ZNF536: variants seen among roughly 807,000 people sequenced by gnomAD.
ZNF536 encodes the protein zinc finger protein 536.
A neutral mutation model predicts 84.5 loss-of-function variants in ZNF536; 13 were observed. The observed-to-expected ratio is 0.15, with a 90% confidence interval of 0.10 to 0.24. The LOEUF (loss-of-function observed/expected upper bound fraction) is 0.24, where lower values mean the gene tolerates loss of function less well. ZNF536 is among the 10% of genes least tolerant of loss of function. The pLI is 1.00. For missense variants in ZNF536, 1,536 were observed against 1,747.5 expected, an observed-to-expected ratio of 0.88 and a Z score of 2.16; for synonymous variants, 811 against 742.5, an observed-to-expected ratio of 1.09 and a Z score of -1.50.
At chr19:30,232,050 C>T (rs1172778168) in intron 1 of ZNF536, among the ~76,000 whole-genome samples, 1 of 151,390 alleles carries the variant, frequency 6.6e-6, no homozygotes, top group African/African-American at 2.4e-5. Context: ...TTTCTGAAAT[C>T]CCCCTCACTT....
intron 1 of ZNF536, among the ~76,000 whole-genome samples, chr19:30,271,069 T>A (rs1213513597): frequency 6.6e-6 from 1 of 152,106 alleles, no homozygotes; most frequent in Non-Finnish European, 1.5e-5. Context: ...GCTTGGGAGA[T>A]AAGAGGGAAA....
intron 2 of ZNF536, among the ~76,000 whole-genome samples, chr19:30,339,113 G>A (rs1332436571): frequency 2.6e-5 from 4 of 152,178 alleles, no homozygotes; most frequent in South Asian, 2.1e-4. Flanking sequence ...ATGTGCCGCC[G>A]CCTCCTTTGG....
intron 1 of ZNF536, among the ~76,000 whole-genome samples, chr19:30,243,090 T>C (rs1410744619): frequency 6.6e-6 from 1 of 152,200 alleles, no homozygotes. Context: ...TTTGGAAAAG[T>C]TGCTTAAATA....
At chr19:30,337,329 A>C (rs1403803873) in intron 2 of ZNF536, among the ~76,000 whole-genome samples, 1 of 152,142 alleles carries the variant, frequency 6.6e-6, no homozygotes, top group African/African-American at 2.4e-5. Context: ...CAGTGTTTGT[A>C]GTAGCTCCCA....
chr19:30,616,722 A>ATGGG (rs2048308195), intron 1 of ZNF536, among the ~76,000 whole-genome samples: 1 of 152,196 alleles, frequency 6.6e-6, no homozygotes, highest in Non-Finnish European at 1.5e-5. Flanking sequence ...TTAAAATAGC[A>ATGGG]TGGGTGTCAT....
At chr19:30,354,006 GC>G (rs1326306912) in intron 3 of ZNF536, among the ~76,000 whole-genome samples, 6 of 152,194 alleles carry the variant, frequency 3.9e-5, no homozygotes, top group African/African-American at 1.4e-4. Flanking sequence ...TGGAGAAGGT[GC>G]TGAAAGCTGC....
intron 1 of ZNF536, among the ~76,000 whole-genome samples, chr19:30,682,274 G>T (rs752676648): frequency 6.6e-6 from 1 of 152,168 alleles, no homozygotes; most frequent in African/African-American, 2.4e-5. Context: ...AGATGAAGCT[G>T]CTGCGTGCTG....
intron 2 of ZNF536, among the ~76,000 whole-genome samples, chr19:30,474,041 C>T (rs541531071): frequency 5.3e-5 from 8 of 152,272 alleles, no homozygotes; most frequent in African/African-American, 1.4e-4. Context: ...ATATTTGTTC[C>T]GACATGGATG....
At chr19:30,543,907 G>C (rs1234336585) in intron 3 of ZNF536, among the ~76,000 whole-genome samples, 1 of 152,128 alleles carries the variant, frequency 6.6e-6, no homozygotes, top group Non-Finnish European at 1.5e-5. Flanking sequence ...CTCAACCTCT[G>C]GGTGTGCCTG....
chr19:30,458,389 G>A (rs2052957461), intron 2 of ZNF536, among the ~76,000 whole-genome samples: 1 of 146,594 alleles, frequency 6.8e-6, no homozygotes, highest in Non-Finnish European at 1.5e-5. Context: ...CTTACCTGCT[G>A]TTCCTTGAGT....
chr19:30,625,859 G>A (rs905531714), intron 1 of ZNF536, among the ~76,000 whole-genome samples: 2 of 152,076 alleles, frequency 1.3e-5, no homozygotes, highest in Non-Finnish European at 2.9e-5. Context: ...GGCTGAGAAA[G>A]GCCTCTTGAC....
chr19:30,711,764 A>G (rs2052461950), exon 2 of ZNF536: 1 of 152,022 alleles, frequency 6.6e-6, no homozygotes, highest in South Asian at 2.1e-4. Context: ...TTCTTTTTTA[A>G]AAAAAAATTT....
intron 1 of ZNF536, among the ~76,000 whole-genome samples, chr19:30,603,503 A>C (rs976330351): frequency 1.3e-5 from 2 of 152,242 alleles, no homozygotes; most frequent in Non-Finnish European, 2.9e-5. Context: ...TTTCTGTTTC[A>C]AACTAGGTGA....
At chr19:30,426,050 C>A (rs563701944) in intron 1 of ZNF536, among the ~76,000 whole-genome samples, 33 of 152,266 alleles carry the variant, frequency 2.2e-4, no homozygotes, top group African/African-American at 7.5e-4. Context: ...TGGTAGCACA[C>A]CCCAACTGGG....
chr19:30,627,992 C>T (rs929835375), intron 1 of ZNF536, among the ~76,000 whole-genome samples: 9 of 152,214 alleles, frequency 5.9e-5, no homozygotes, highest in African/African-American at 1.7e-4. Context: ...CCGTGTCCCC[C>T]GTACCACCCC....
chr19:30,369,942 T>TA (rs756049688), upstream of ZNF536, among the ~76,000 whole-genome samples: 10 of 152,070 alleles, frequency 6.6e-5, no homozygotes, highest in East Asian at 1.9e-4. Context: ...TGGATCCAAT[T>TA]AAAAAAAATA....
chr19:30,566,919 C>A (rs1160205629), intron 1 of ZNF536, among the ~76,000 whole-genome samples: 1 of 151,586 alleles, frequency 6.6e-6, no homozygotes, highest in South Asian at 2.1e-4. Flanking sequence ...CGCATGTGGC[C>A]TCTCTGGGCA....
chr19:30,231,150 A>C (rs369233347), intron 1 of ZNF536, among the ~76,000 whole-genome samples: 9 of 152,300 alleles, frequency 5.9e-5, no homozygotes, highest in African/African-American at 2.2e-4. Context: ...ATTTAAAGTG[A>C]GACTTGATGC....
Position 30,549,585 on chromosome 19 carries a change from A to C in ZNF536, c.3895+71A>C, listed in dbSNP as rs910548849. 7.0e-6 allele frequency: 10 copies of C among 1,419,928 alleles called. No individual in the cohort carries two copies. The African/African-American group carries it at 1.4e-4, about 20-fold the overall frequency. The allele number at this position is 1,419,928 out of a possible 1,614,324, so 88.0% of individuals were successfully genotyped here. On this transcript the variant is annotated intron_variant, in intron 4 of 4. Coordinates refer to ENST00000355537, the MANE Select transcript of ZNF536 (RefSeq NM_014717.3). Reference sequence around the variant, plus strand: ...AGTGCTGAATTGTGCATTTAAAAAAATGAGGTAGACTTATCCATGAGCAAC... The same window carrying C: ...AGTGCTGAATTGTGCATTTAAAAAACTGAGGTAGACTTATCCATGAGCAAC...
Sources: gnomAD v4.1 joint callset for allele counts (sites outside exome capture counted in the v4.1 genomes callset) on GRCh38, gnomAD v4.1.1 for gene constraint, MANE v1.5 for transcripts, NCBI Gene and HGNC (gene_info 2026-07-23, HGNC 2026-07-21) for gene names.